NSF: variants seen among roughly 807,000 people sequenced by gnomAD.
NSF encodes the protein vesicle-fusing ATPase.
Under a neutral mutation model 50.3 loss-of-function variants are expected in NSF, and 14 were observed. That is an observed-to-expected ratio of 0.28 (90% confidence interval 0.18 to 0.44). The LOEUF (loss-of-function observed/expected upper bound fraction) is 0.44, where lower values mean the gene tolerates loss of function less well. Among genes scored for constraint, NSF ranks in the 20% least tolerant of loss-of-function variants. NSF has a pLI of 1.00. For missense variants in NSF, 218 were observed against 504.3 expected (o/e 0.43, Z 5.44); for synonymous variants, 109 against 175.7 (o/e 0.62, Z 3.00).
At chr17:46,706,910 G>C (rs1400940374) in intron 13 of NSF, among the ~76,000 whole-genome samples, 1 of 145,054 alleles carries the variant, frequency 6.9e-6, no homozygotes, top group Non-Finnish European at 1.5e-5. Context: ...GAGTGCAGTG[G>C]TGTGATCTCA....
At chr17:46,709,244 A>C (rs1227514569) in intron 13 of NSF, among the ~76,000 whole-genome samples, 1 of 152,214 alleles carries the variant, frequency 6.6e-6, no homozygotes, top group Non-Finnish European at 1.5e-5. Flanking sequence ...AATCATTTTC[A>C]AAAGTAACTC....
intron 15 of NSF, among the ~76,000 whole-genome samples, chr17:46,721,077 G>C (rs2146281381): frequency 6.6e-6 from 1 of 152,276 alleles, no homozygotes; most frequent in African/African-American, 2.4e-5. Context: ...ACCACATTCA[G>C]ACCTGCCCCT....
At chr17:46,721,968 G>A (rs1390277450) in intron 15 of NSF, 2 of 1,604,020 alleles carry the variant, frequency 1.2e-6, no homozygotes, top group African/African-American at 2.7e-5. Context: ...TTCAGTTGAG[G>A]AACGGGAACA....
chr17:46,752,243 C>T (rs976323254), intron 19 of NSF, among the ~76,000 whole-genome samples: 6 of 152,184 alleles, frequency 3.9e-5, no homozygotes, highest in African/African-American at 1.4e-4. Context: ...TTGGGACTTT[C>T]TCATATCTCC....
At chr17:46,728,769 G>C (rs764702820) in intron 16 of NSF, 86 bp from the exon 17 acceptor site, 1 of 870,990 alleles carries the variant, frequency 1.1e-6, no homozygotes, top group African/African-American at 1.8e-5. Flanking sequence ...GTTTACTTTT[G>C]ATGCAAAAAA....
chr17:46,622,356 G>A (rs2146134954), intron 1 of NSF, among the ~76,000 whole-genome samples: 1 of 150,270 alleles, frequency 6.7e-6, no homozygotes, highest in East Asian at 2.0e-4. Context: ...TACTTGGGAG[G>A]CTGAGGCAGG....
chr17:46,609,922 C>T (rs1309562944), intron 1 of NSF, among the ~76,000 whole-genome samples: 2 of 143,126 alleles, frequency 1.4e-5, no homozygotes, highest in East Asian at 1.9e-4. Context: ...ACCTCCTGGG[C>T]TCAAACCTCT....
intron 17 of NSF, 24 bp from the exon 18 acceptor site, chr17:46,749,749 A>T: frequency 6.2e-7 from 1 of 1,602,504 alleles, no homozygotes; most frequent in Non-Finnish European, 8.5e-7. Flanking sequence ...TGTACATTTT[A>T]ACACATTTTC....
chr17:46,741,713 C>T (rs185178973), intron 17 of NSF, among the ~76,000 whole-genome samples: 14 of 152,278 alleles, frequency 9.2e-5, no homozygotes, highest in African/African-American at 3.4e-4. Context: ...CGATCTTTTC[C>T]CTTGGTTTGG....
chr17:46,642,462 GT>G (rs2058222395), intron 7 of NSF, among the ~76,000 whole-genome samples: 1 of 137,948 alleles, frequency 7.2e-6, no homozygotes, highest in South Asian at 2.2e-4. Flanking sequence ...GTTCTCTTGA[GT>G]TACTTTAGGT....
intron 17 of NSF, among the ~76,000 whole-genome samples, chr17:46,743,381 C>A (rs1456859132): frequency 6.6e-6 from 1 of 152,170 alleles, no homozygotes; most frequent in African/African-American, 2.4e-5. Flanking sequence ...TTCCTTCTTG[C>A]CTGTTCTGAC....
chr17:46,633,194 A>AGTTC (rs1362684357), intron 4 of NSF, among the ~76,000 whole-genome samples: 1 of 106,138 alleles, frequency 9.4e-6, no homozygotes, highest in Non-Finnish European at 2.1e-5. Flanking sequence ...GCTGGTCTTG[A>AGTTC]ACTCCTGACC....
chr17:46,712,782 A>C (rs2058732441), intron 14 of NSF, among the ~76,000 whole-genome samples: 1 of 152,206 alleles, frequency 6.6e-6, no homozygotes, highest in South Asian at 2.1e-4. Flanking sequence ...CAGAGCAGAA[A>C]AATTGACAAA....
chr17:46,711,160 A>G (rs748818137), intron 14 of NSF, 41 bp downstream of exon 14: 2 of 1,452,682 alleles, frequency 1.4e-6, no homozygotes, highest in South Asian at 3.1e-5. Context: ...GTTAAAGGAA[A>G]AAAAGCAGCA....
chr17:46,725,128 A>G (rs1195266877), intron 15 of NSF, among the ~76,000 whole-genome samples: 2 of 152,216 alleles, frequency 1.3e-5, no homozygotes, highest in Non-Finnish European at 1.5e-5. Flanking sequence ...TCAATAATAT[A>G]TATACGTAAT....
chr17:46,728,237 G>T lies in NSF; in HGVS notation c.1829-618G>T, dbSNP rs74982369. On this transcript the variant is annotated intron_variant, in intron 16 of 20. Transcript: ENST00000398238. ...GTTATCTGTTCCTTACCATCTGAGGGCCAATCTTAGTGGTTCTGCCATTGT... is the reference window on the plus strand; with the variant it reads ...GTTATCTGTTCCTTACCATCTGAGGTCCAATCTTAGTGGTTCTGCCATTGT... 5.6e-4 allele frequency among the ~76,000 whole-genome samples: 86 copies of T among 152,234 alleles called. 1 individual carries two copies. The East Asian group carries it at 0.015, about 27-fold the overall frequency.
At chr17:46,728,746 A>G in intron 16 of NSF, 109 bp from the exon 17 acceptor site, 1 of 635,856 alleles carries the variant, frequency 1.6e-6, no homozygotes, top group Non-Finnish European at 2.6e-6. Flanking sequence ...TATTCTGCTT[A>G]TGTAGGGACT....
rs1393935019 is a variant in NSF at position 46,711,070 on chromosome 17, G to T, written c.1578G>T (p.Gln526His). Residue 526 changes from glutamine to histidine, a missense_variant, in exon 14 of 21, where the codon CAG (glutamine) becomes CAT (histidine). Around this residue, in one of 2 missense-constraint regions of NSF, gnomAD observed 209 missense variants for 320.9 expected, o/e 0.65. Coordinates refer to ENST00000398238, the MANE Select transcript of NSF (RefSeq NM_006178.4). ...TAGATGATGGGGAGCTGCTGGTGCAGCAGACTAAGAACAGTGACCGCACAC... is the reference window on the plus strand; with the variant it reads ...TAGATGATGGGGAGCTGCTGGTGCATCAGACTAAGAACAGTGACCGCACAC... ...RVLDDGELLV[Q>H]QTKNSDRTPL... The T allele has an allele frequency of 6.3e-7, 1 of 1,583,430 alleles. No homozygotes were observed. Among genetic ancestry groups the T allele is most frequent in the Admixed American group, 1.9e-5 (1 of 52,696 alleles).
chr17:46,602,793 T>A lies in NSF; in HGVS notation c.12+12006T>A, dbSNP rs1011598025. Reference sequence around the variant, plus strand: ...CTAGAGAATAATATTGATATAATTTTGTGAACCATAGCAGACAGTTCCCAT... The same window carrying A: ...CTAGAGAATAATATTGATATAATTTAGTGAACCATAGCAGACAGTTCCCAT... On this transcript the variant is annotated intron_variant, in intron 1 of 20. Coordinates refer to ENST00000398238, the MANE Select transcript of NSF (RefSeq NM_006178.4). Among the ~76,000 whole-genome samples, 7 of 145,776 alleles carry A rather than the reference T, an allele frequency of 4.8e-5. 1 individual carries two copies. Among genetic ancestry groups the A allele is most frequent in the Non-Finnish European group, 7.5e-5 (5 of 66,926 alleles).
Sources: gnomAD v4.1 joint callset for allele counts (sites outside exome capture counted in the v4.1 genomes callset) on GRCh38, gnomAD v4.1.1 for gene constraint, gnomAD v4.1.1 regional missense constraint, MANE v1.5 for transcripts, NCBI Gene and HGNC (gene_info 2026-07-23, HGNC 2026-07-21) for gene names.